Variants in CPQ observed in about 807,000 individuals in gnomAD.
CPQ encodes the protein carboxypeptidase Q.
Under a neutral mutation model 45.7 loss-of-function variants are expected in CPQ, and 37 were observed. That is an observed-to-expected ratio of 0.81 (90% CI 0.62 to 1.07). The LOEUF (loss-of-function observed/expected upper bound fraction) is 1.07, where lower values mean the gene tolerates loss of function less well. Ranked by LOEUF, CPQ falls within the 50% of genes least tolerant of loss-of-function variation. The probability of loss-of-function intolerance (pLI) is 0.00; values close to 1 mark genes in which losing one functional copy is unlikely to be tolerated. For synonymous variants in CPQ, 186 were observed against 205.8 expected, an observed-to-expected ratio of 0.90 and a Z score of 0.82; for missense variants, 537 against 572.9, an observed-to-expected ratio of 0.94 and a Z score of 0.64.
chr8:97,017,123 G>A (rs917774086), intron 5 of CPQ, among the ~76,000 whole-genome samples: 3 of 152,202 alleles, frequency 2.0e-5, no homozygotes, highest in African/African-American at 7.2e-5. Context: ...ATCTGCCCCT[G>A]AACATATATC....
intron 6 of CPQ, among the ~76,000 whole-genome samples, chr8:97,050,153 T>C (rs1428948339): frequency 6.6e-6 from 1 of 152,184 alleles, no homozygotes; most frequent in Non-Finnish European, 1.5e-5. Context: ...TTCTGAAGAT[T>C]TGGCGATTTC....
chr8:96,920,800 A>G (rs1812795747), intron 4 of CPQ, among the ~76,000 whole-genome samples: 1 of 152,180 alleles, frequency 6.6e-6, no homozygotes, highest in Admixed American at 6.5e-5. Flanking sequence ...ACAGGCGGCC[A>G]TCTGCAAGCC....
At chr8:97,041,116 G>A (rs1810115383) in intron 6 of CPQ, among the ~76,000 whole-genome samples, 1 of 152,210 alleles carries the variant, frequency 6.6e-6, no homozygotes, top group African/African-American at 2.4e-5. Flanking sequence ...CTACCCATGA[G>A]CATGGGATGT....
At chr8:97,083,810 T>C (rs1430154778) in intron 7 of CPQ, among the ~76,000 whole-genome samples, 2 of 152,152 alleles carry the variant, frequency 1.3e-5, no homozygotes, top group Admixed American at 6.6e-5. Flanking sequence ...TATTCTTCAC[T>C]GTAAAGGAGC....
At chr8:96,804,734 A>T (rs901707605) in intron 2 of CPQ, among the ~76,000 whole-genome samples, 3 of 151,994 alleles carry the variant, frequency 2.0e-5, no homozygotes, top group African/African-American at 7.3e-5. Flanking sequence ...TTTGTAAACT[A>T]TGTCAGTCTT....
At chr8:96,754,802 T>C (rs1448250160) in intron 1 of CPQ, among the ~76,000 whole-genome samples, 2 of 152,088 alleles carry the variant, frequency 1.3e-5, no homozygotes, top group Non-Finnish European at 2.9e-5. Flanking sequence ...CTTGAAACAG[T>C]GCATGGCACA....
chr8:96,878,132 A>C (rs555164374), intron 3 of CPQ, among the ~76,000 whole-genome samples: 2 of 151,844 alleles, frequency 1.3e-5, no homozygotes, highest in African/African-American at 4.8e-5. Context: ...CACCTGGCTA[A>C]TTTTTCTGTA....
chr8:96,962,811 T>C (rs758426157), intron 4 of CPQ, among the ~76,000 whole-genome samples: 9 of 152,220 alleles, frequency 5.9e-5, no homozygotes, highest in Non-Finnish European at 1.0e-4. Context: ...AAATTGCTAC[T>C]GAATTAGAAG....
At chr8:97,057,406 T>C (rs932795107) in intron 6 of CPQ, among the ~76,000 whole-genome samples, 6 of 152,196 alleles carry the variant, frequency 3.9e-5, no homozygotes, top group Non-Finnish European at 5.9e-5. Flanking sequence ...TAAAGAGCCA[T>C]GTAATTACTC....
intron 6 of CPQ, among the ~76,000 whole-genome samples, chr8:97,041,122 G>C (rs529991555): frequency 1.3e-5 from 2 of 152,062 alleles, no homozygotes; most frequent in Admixed American, 1.3e-4. Context: ...ATGAGCATGG[G>C]ATGTTCTTCC....
At chr8:97,005,366 C>T (rs1563551960) in intron 5 of CPQ, among the ~76,000 whole-genome samples, 2 of 151,760 alleles carry the variant, frequency 1.3e-5, no homozygotes, top group Admixed American at 1.3e-4. Flanking sequence ...AGGCATGAGG[C>T]ACCGCTCCTG....
intron 3 of CPQ, among the ~76,000 whole-genome samples, chr8:96,855,939 G>C (rs1301233203): frequency 1.3e-5 from 2 of 152,106 alleles, no homozygotes; most frequent in Non-Finnish European, 2.9e-5. Flanking sequence ...GAGCCTCTTA[G>C]GCAAAAAACA....
At chr8:96,992,713 G>A (rs1311909286) in intron 5 of CPQ, among the ~76,000 whole-genome samples, 4 of 152,082 alleles carry the variant, frequency 2.6e-5, no homozygotes, top group African/African-American at 7.2e-5. Flanking sequence ...CTATTAATAA[G>A]TATTCAATAA....
intron 1 of CPQ, among the ~76,000 whole-genome samples, chr8:96,774,744 T>G (rs1810585866): frequency 6.6e-6 from 1 of 152,142 alleles, no homozygotes; most frequent in Non-Finnish European, 1.5e-5. Flanking sequence ...ATTTAGAATT[T>G]CAAGTACTTT....
In CPQ at chr8:96,786,343, CAT is replaced by C. The variant is rs764890589; in HGVS notation, c.433+1014_433+1015del. On this transcript the variant is annotated intron_variant, in intron 2 of 7. Transcript: ENST00000220763. ...TTTTCCAGGTTCATCTATGTTGTCA[CAT>C]GTTTCAGTATTTCATTCTTTTTATT... is the stretch of plus-strand genomic sequence containing the variant. Among the ~76,000 whole-genome samples the C allele has an allele frequency of 5.3e-5, 8 of 152,170 alleles. No individual in the cohort carries two copies. In the East Asian group the frequency reaches 7.7e-4, roughly 15 times the overall value.
At chr8:96,724,864 G>A (rs2319919) in intron 1 of CPQ, among the ~76,000 whole-genome samples, 88,095 of 152,016 alleles carry the variant, frequency 0.58, 25,986 homozygotes, top group East Asian at 0.87. Flanking sequence ...TATACTATAA[G>A]GTAGTGGTAC....
intron 3 of CPQ, among the ~76,000 whole-genome samples, chr8:96,869,934 A>G (rs140692160): frequency 6.9e-4 from 105 of 152,206 alleles, no homozygotes; most frequent in African/African-American, 2.5e-3. Flanking sequence ...AAACATCTTC[A>G]GAGCACCTAC....
chr8:96,813,214 C>G (rs947517818), intron 2 of CPQ, among the ~76,000 whole-genome samples: 1 of 152,104 alleles, frequency 6.6e-6, no homozygotes, highest in African/African-American at 2.4e-5. Context: ...AACCATTCTT[C>G]TATGTAATCA....
At chr8:97,106,506 G>T (rs1470309118) in intron 7 of CPQ, among the ~76,000 whole-genome samples, 1 of 152,212 alleles carries the variant, frequency 6.6e-6, no homozygotes, top group Non-Finnish European at 1.5e-5. Context: ...ACGGCGTCTA[G>T]AGCTGCTCCT....
Sources: gnomAD v4.1 joint callset for allele counts (sites outside exome capture counted in the v4.1 genomes callset) on GRCh38, gnomAD v4.1.1 for gene constraint, MANE v1.5 for transcripts, NCBI Gene and HGNC (gene_info 2026-07-23, HGNC 2026-07-21) for gene names.